The following KYNU variants were observed in gnomAD, a reference collection of about 807,000 sequenced individuals.
KYNU encodes the protein L-kynurenine hydrolase.
KYNU carries 54 observed loss-of-function variants against 59.2 expected under a neutral mutation model. The observed-to-expected ratio is 0.91, with a 90% confidence interval of 0.73 to 1.14. The LOEUF is 1.14. Among genes scored for constraint, KYNU ranks in the 50% most tolerant of loss-of-function variants. The probability of loss-of-function intolerance (pLI) is 0.00; values close to 1 mark genes in which losing one functional copy is unlikely to be tolerated. For missense variants in KYNU, 567 were observed against 554.4 expected (o/e 1.02, Z -0.23); for synonymous variants, 177 against 192.0 (o/e 0.92, Z 0.65).
chr2:143,030,739 G>A (rs1318418957), intron 11 of KYNU, among the ~76,000 whole-genome samples: 1 of 151,970 alleles, frequency 6.6e-6, no homozygotes, highest in Admixed American at 6.6e-5. Context: ...ATATATAGGT[G>A]CTCTTTGACT....
chr2:143,051,707 C>T lies in KYNU; in HGVS notation c.*9535C>T, dbSNP rs1198958319. ...TCTGTGCCATTTGAGACATGCCTTTCAACTTCTGCCCTGATTGTGAGGCCT... is the reference window on the plus strand; with the variant it reads ...TCTGTGCCATTTGAGACATGCCTTTTAACTTCTGCCCTGATTGTGAGGCCT... On this transcript the variant is annotated 3_prime_UTR_variant, in exon 14 of 14. Coordinates refer to ENST00000264170, the MANE Select transcript of KYNU (RefSeq NM_003937.3). 6.6e-6 allele frequency: 1 copy of T among 152,202 alleles called. No homozygotes were observed. The highest frequency in any genetic ancestry group is 1.5e-5 in the Non-Finnish European group (1 of 68,070). 9.4% of individuals were successfully genotyped at this position (152,202 alleles called of 1,614,324 possible). A position where few individuals can be genotyped will look rare whatever the true frequency, so the allele number is the denominator to read the frequency against.
At chr2:142,924,565 A>T (rs1027886950) in intron 3 of KYNU, among the ~76,000 whole-genome samples, 4 of 152,198 alleles carry the variant, frequency 2.6e-5, no homozygotes, top group African/African-American at 9.6e-5. Flanking sequence ...GCATGGTCCT[A>T]CTTTAAAGAG....
At chr2:142,973,627 C>T (rs1232000698) in intron 8 of KYNU, among the ~76,000 whole-genome samples, 1 of 152,138 alleles carries the variant, frequency 6.6e-6, no homozygotes, top group Non-Finnish European at 1.5e-5. Flanking sequence ...GCTTGGGAAA[C>T]ACAGCTGCAA....
Position 143,038,593 on chromosome 2 carries a change from C to G in KYNU, c.1042-1835C>G, listed in dbSNP as rs911965617. On this transcript the variant is annotated intron_variant, in intron 12 of 13. Coordinates refer to ENST00000264170, the MANE Select transcript of KYNU (RefSeq NM_003937.3). ...AGATATCAGCCTCTACTTGAGCTGTCTCTGTAGACTTCAGACATTGTCTGG... is the reference window on the plus strand; with the variant it reads ...AGATATCAGCCTCTACTTGAGCTGTGTCTGTAGACTTCAGACATTGTCTGG... Among the ~76,000 whole-genome samples the G allele has an allele frequency of 8.5e-5, 13 of 152,274 alleles. 1 individual carries two copies. Among genetic ancestry groups the G allele is most frequent in the South Asian group, 4.1e-4 (2 of 4,832 alleles).
rs78677178 is a variant in KYNU at position 142,965,840 on chromosome 2, A to G, written c.729+5070A>G. Among the ~76,000 whole-genome samples, 46 of 152,132 alleles carry G rather than the reference A, an allele frequency of 3.0e-4. No homozygotes were observed. In the East Asian group the frequency reaches 8.9e-3, roughly 29 times the overall value. ...AATATAATATTTCTTATGTTCCTCAATTATACCCTCATAGGATCTCATTGT... is the reference window on the plus strand; with the variant it reads ...AATATAATATTTCTTATGTTCCTCAGTTATACCCTCATAGGATCTCATTGT... On this transcript the variant is annotated intron_variant, in intron 8 of 13. Coordinates refer to ENST00000264170, the MANE Select transcript of KYNU (RefSeq NM_003937.3).
intron 8 of KYNU, chr2:142,971,483 G>A (rs950056378): frequency 6.6e-6 from 1 of 152,122 alleles, no homozygotes; most frequent in Non-Finnish European, 1.5e-5. Flanking sequence ...TCTGTATCAG[G>A]ATATATCTGT....
At chr2:142,946,743 T>C (rs549950906) in intron 4 of KYNU, among the ~76,000 whole-genome samples, 1 of 152,312 alleles carries the variant, frequency 6.6e-6, no homozygotes, top group East Asian at 1.9e-4. Flanking sequence ...AGTCATTAGC[T>C]ATGTTAATCC....
In KYNU at chr2:143,055,178, A is replaced by G. The variant is rs1046348882; in HGVS notation, c.*13006A>G. The G allele has an allele frequency of 2.0e-5, 3 of 152,244 alleles. No individual in the cohort carries two copies. The highest frequency in any genetic ancestry group is 1.3e-4 in the Admixed American group (2 of 15,288). The allele number at this position is 152,244 out of a possible 1,614,324, so 9.4% of individuals were successfully genotyped here. ...TGACCAAAAAACATAGTGACTGAAAATAACCCACATTTATTATCTTACAGT... is the reference window on the plus strand; with the variant it reads ...TGACCAAAAAACATAGTGACTGAAAGTAACCCACATTTATTATCTTACAGT... On this transcript the variant is annotated 3_prime_UTR_variant, in exon 14 of 14. Transcript: ENST00000264170.
rs149755270 is a variant in KYNU at position 142,985,964 on chromosome 2, C to T, written c.845C>T (p.Ala282Val). ...WCSYKYLNAG[A>V]GGIAGAFIHE... ...TCAATCTAGTATTTAAATGCAGGAG[C>T]AGGAGGAATTGCTGGTGCCTTCATT... The change falls in exon 10 of 14, where the codon GCA becomes GTA. Residue 282 changes from alanine (A) to valine (V), a missense_variant. Transcript: ENST00000264170. 16 of 1,607,960 alleles carry T rather than the reference C, an allele frequency of 1.0e-5. No homozygotes were observed. The highest frequency in any genetic ancestry group is 1.3e-5 in the Non-Finnish European group (15 of 1,175,454).
At position 143,048,912 on chromosome 2, in the gene KYNU, A is replaced by T. The variant is rs559609569; in HGVS notation, c.*6740A>T. 6.6e-5 allele frequency: 10 copies of T among 152,338 alleles called. No individual in the cohort carries two copies. The South Asian group carries it at 2.1e-3, about 32-fold the overall frequency. 9.4% of individuals were successfully genotyped at this position (152,338 alleles called of 1,614,324 possible). A position where few individuals can be genotyped will look rare whatever the true frequency, so the allele number is the denominator to read the frequency against. On this transcript the variant is annotated 3_prime_UTR_variant, in exon 14 of 14. Transcript: ENST00000264170. ...TACACTGTTAGTGGGAATGTAAATT[A>T]GTTCAACCATTGCTCTTAAGGGCTC...
rs539077461 is a variant in KYNU, at chr2:143,023,676, T to C, written c.903-5951T>C. 9.9e-5 allele frequency among the ~76,000 whole-genome samples: 15 copies of C among 151,830 alleles called. 1 individual carries two copies. The South Asian group carries it at 2.1e-3, about 21-fold the overall frequency. ...GACAAAACTATCAAGTGATAACAGA[T>C]TAGGTAGAAGGAAGAGGAAAGCTGC... On this transcript the variant is annotated intron_variant, in intron 10 of 13. Transcript: ENST00000264170.
At chr2:143,032,100 A>AC (rs1573916513) in intron 11 of KYNU, among the ~76,000 whole-genome samples, 1 of 152,024 alleles carries the variant, frequency 6.6e-6, no homozygotes, top group East Asian at 1.9e-4. Context: ...ACACTGTGAA[A>AC]CCCCATCTCT....
At chr2:143,012,252 C>T (rs1020375222) in intron 10 of KYNU, among the ~76,000 whole-genome samples, 4 of 151,866 alleles carry the variant, frequency 2.6e-5, no homozygotes, top group South Asian at 2.1e-4. Context: ...GAGGCCGAGG[C>T]GGGTGGATCA....
chr2:142,925,802 G>GTACCA lies in KYNU; in HGVS notation c.291-1856_291-1852dup, dbSNP rs144887954. ...CTGGTCTTACCACCCCTTTTAGGGA[G>GTACCA]TACCAGCCCACCAGCACCAGTTTAC... is the stretch of plus-strand genomic sequence containing the variant. On this transcript the variant is annotated intron_variant, in intron 3 of 13. Coordinates refer to ENST00000264170, the MANE Select transcript of KYNU (RefSeq NM_003937.3). Among the ~76,000 whole-genome samples, 711 of 152,292 alleles carry GTACCA rather than the reference G, an allele frequency of 4.7e-3. 5 individuals are homozygous for GTACCA. The highest frequency in any genetic ancestry group is 0.016 in the African/African-American group (681 of 41,562).
intron 2 of KYNU, among the ~76,000 whole-genome samples, chr2:142,914,951 C>T (rs1040175292): frequency 1.3e-5 from 2 of 152,188 alleles, no homozygotes; most frequent in East Asian, 1.9e-4. Context: ...CTCTAAGAGC[C>T]GGGGCTTTCC....
chr2:142,896,683 C>T (rs11903737), intron 2 of KYNU, among the ~76,000 whole-genome samples: 58,939 of 151,626 alleles, frequency 0.39, 11,540 homozygotes, highest in South Asian at 0.56. Flanking sequence ...GACAGGGTCT[C>T]GCTTTGTTGC....
At chr2:142,922,311 G>A (rs542759239) in intron 3 of KYNU, among the ~76,000 whole-genome samples, 39 of 152,220 alleles carry the variant, frequency 2.6e-4, no homozygotes, top group African/African-American at 8.9e-4. Context: ...GACCAGCTTG[G>A]GCAACATGGT....
intron 4 of KYNU, among the ~76,000 whole-genome samples, chr2:142,928,501 T>A (rs1683109983): frequency 6.6e-6 from 1 of 152,170 alleles, no homozygotes; most frequent in African/African-American, 2.4e-5. Context: ...TAAAAATATC[T>A]TTATTGCTTC....
intron 4 of KYNU, among the ~76,000 whole-genome samples, chr2:142,931,472 G>A (rs1350853509): frequency 6.6e-6 from 1 of 152,182 alleles, no homozygotes. Context: ...AGGACAAGGA[G>A]GTGTCAACAG....
Sources: gnomAD v4.1 joint callset for allele counts (sites outside exome capture counted in the v4.1 genomes callset) on GRCh38, gnomAD v4.1.1 for gene constraint, MANE v1.5 for transcripts, NCBI Gene and HGNC (gene_info 2026-07-23, HGNC 2026-07-21) for gene names.